Variants in ARHGAP26 observed in about 807,000 individuals in gnomAD.
ARHGAP26 encodes rho GTPase-activating protein 26.
In ARHGAP26, 38 loss-of-function variants were observed where a neutral mutation model predicts 104.8. That is an observed-to-expected ratio of 0.36 (90% CI 0.28 to 0.48). ARHGAP26 has a LOEUF of 0.48. ARHGAP26 is among the 20% of genes least tolerant of loss of function. ARHGAP26 has a pLI of 0.99. For missense variants in ARHGAP26, 704 were observed against 947.9 expected, an observed-to-expected ratio of 0.74 and a Z score of 3.38; for synonymous variants, 341 against 340.0, an observed-to-expected ratio of 1.00 and a Z score of -0.03.
intron 20 of ARHGAP26, chr5:143,173,017 G>A (rs1802987194): frequency 1.1e-5 from 2 of 179,990 alleles, no homozygotes; most frequent in Non-Finnish European, 1.2e-5. Flanking sequence ...ATACTGTTGG[G>A]AAGGTAGTAT....
At chr5:143,062,639 C>T (rs1041131105) in intron 17 of ARHGAP26, among the ~76,000 whole-genome samples, 12 of 149,138 alleles carry the variant, frequency 8.0e-5, no homozygotes, top group African/African-American at 3.0e-4. Flanking sequence ...GAATTGGGTT[C>T]ATATACAAAT....
intron 11 of ARHGAP26, among the ~76,000 whole-genome samples, chr5:142,999,260 C>A (rs1362820450): frequency 6.6e-6 from 1 of 152,122 alleles, no homozygotes; most frequent in East Asian, 1.9e-4. Context: ...TTATAGATGG[C>A]CATGTAGTTA....
At position 143,097,997 on chromosome 5, in the gene ARHGAP26, A is replaced by G. The variant is rs73300591; in HGVS notation, c.1539-22991A>G. Among the ~76,000 whole-genome samples, 794 of 152,212 alleles carry G rather than the reference A, an allele frequency of 5.2e-3. 5 individuals are homozygous for G. Among genetic ancestry groups the G allele is most frequent in the African/African-American group, 0.018 (752 of 41,532 alleles). On this transcript the variant is annotated intron_variant, in intron 17 of 22. Coordinates refer to ENST00000645722, the MANE Select transcript of ARHGAP26 (RefSeq NM_001135608.3). ...ATTATTTGTAGAATTCCAATTTTTAAAAAGTTGTAGTTCTGCCTTGGAATC... is the reference window on the plus strand; with the variant it reads ...ATTATTTGTAGAATTCCAATTTTTAGAAAGTTGTAGTTCTGCCTTGGAATC...
intron 17 of ARHGAP26, among the ~76,000 whole-genome samples, chr5:143,082,791 C>T (rs1420489917): frequency 1.3e-5 from 2 of 152,202 alleles, no homozygotes; most frequent in African/African-American, 4.8e-5. Flanking sequence ...CTTTGAATTT[C>T]ATAAAATAAG....
intron 1 of ARHGAP26, among the ~76,000 whole-genome samples, chr5:142,824,194 C>T (rs1401081196): frequency 2.0e-5 from 3 of 152,170 alleles, no homozygotes; most frequent in Non-Finnish European, 4.4e-5. Context: ...TGTGTCTTAA[C>T]AGCTGTGTCC....
intron 22 of ARHGAP26, among the ~76,000 whole-genome samples, chr5:143,215,460 G>T (rs1386340945): frequency 6.6e-6 from 1 of 152,220 alleles, no homozygotes; most frequent in East Asian, 1.9e-4. Context: ...TTTTTTAACG[G>T]TTTATTAAGA....
chr5:142,955,230 G>C, intron 11 of ARHGAP26, among the ~76,000 whole-genome samples: 1 of 152,066 alleles, frequency 6.6e-6, no homozygotes, highest in South Asian at 2.1e-4. Flanking sequence ...AGTTCGAGAG[G>C]TTGAGGCTGC....
chr5:142,894,537 A>G (rs1349724317), intron 6 of ARHGAP26, among the ~76,000 whole-genome samples, 189 bp downstream of exon 6: 1 of 152,192 alleles, frequency 6.6e-6, no homozygotes, highest in Non-Finnish European at 1.5e-5. Context: ...TTCCTGTACA[A>G]CACATAGCAA....
intron 1 of ARHGAP26, among the ~76,000 whole-genome samples, chr5:142,862,993 G>A (rs1262474559): frequency 6.6e-6 from 1 of 152,042 alleles, no homozygotes; most frequent in Non-Finnish European, 1.5e-5. Context: ...GTGCCTTGCT[G>A]TAGGAATATC....
intron 20 of ARHGAP26, among the ~76,000 whole-genome samples, chr5:143,182,940 C>A (rs1173742888): frequency 6.6e-6 from 1 of 151,988 alleles, no homozygotes; most frequent in Non-Finnish European, 1.5e-5. Context: ...TTGGTGCTAC[C>A]AGTTGGGAAG....
At chr5:142,840,491 G>A (rs1216798271) in intron 1 of ARHGAP26, among the ~76,000 whole-genome samples, 1 of 152,146 alleles carries the variant, frequency 6.6e-6, no homozygotes, top group Non-Finnish European at 1.5e-5. Flanking sequence ...AGGGGTTTGT[G>A]AACAAGACAG....
At chr5:142,963,172 G>GTATATATGTATATA (rs1770583756) in intron 11 of ARHGAP26, among the ~76,000 whole-genome samples, 1 of 89,080 alleles carries the variant, frequency 1.1e-5, no homozygotes, top group Non-Finnish European at 2.1e-5. Flanking sequence ...TGGTATATAT[G>GTATATATGTATATA]TATATATATA....
intron 22 of ARHGAP26, among the ~76,000 whole-genome samples, chr5:143,217,820 C>T (rs533259433): frequency 4.5e-4 from 68 of 152,330 alleles, no homozygotes; most frequent in Non-Finnish European, 7.8e-4. Context: ...ACTCTTGCTC[C>T]CAGAACCCCT....
intron 10 of ARHGAP26, among the ~76,000 whole-genome samples, chr5:142,929,794 T>G (rs1764451800): frequency 6.6e-6 from 1 of 152,120 alleles, no homozygotes; most frequent in Non-Finnish European, 1.5e-5. Flanking sequence ...CCTGAGACCT[T>G]GGTATGTAGA....
chr5:143,037,088 G>C (rs1203459222), intron 12 of ARHGAP26, 108 bp from the exon 13 acceptor site: 1 of 649,370 alleles, frequency 1.5e-6, no homozygotes, highest in Non-Finnish European at 2.6e-6. Context: ...AAAACTAAAA[G>C]GATATGTGAC....
In ARHGAP26 at chr5:142,932,039, C is replaced by G; in HGVS notation, c.1029-8C>G. 1 of 1,613,938 alleles carries G rather than the reference C, an allele frequency of 6.2e-7. No homozygotes were observed. On this transcript the variant is annotated splice_region_variant and splice_polypyrimidine_tract_variant and intron_variant, in intron 10 of 22. Coordinates refer to ENST00000645722, the MANE Select transcript of ARHGAP26 (RefSeq NM_001135608.3). ...GGTTTCATATCCATGTCCCTCCTTT[C>G]TCTGCAGGCCAGGGGTTATCACCAT...
Position 143,164,495 on chromosome 5 carries a change from T to A in ARHGAP26, c.1988+17114T>A, listed in dbSNP as rs376080954. Among the ~76,000 whole-genome samples the A allele has an allele frequency of 5.3e-5, 8 of 152,368 alleles. 1 individual carries two copies. In the South Asian group the frequency reaches 1.7e-3, roughly 32 times the overall value. On this transcript the variant is annotated intron_variant, in intron 20 of 22. Coordinates refer to ENST00000645722, the MANE Select transcript of ARHGAP26 (RefSeq NM_001135608.3). Reference sequence around the variant, plus strand: ...GTTAGATGCCCACAAGCAAGTGCCCTGGTTCATCATTTCAAAGAATGAGAC... The same window carrying A: ...GTTAGATGCCCACAAGCAAGTGCCCAGGTTCATCATTTCAAAGAATGAGAC...
rs1201241937 is a variant in ARHGAP26 at position 143,184,181 on chromosome 5, T to C, written c.1989-23017T>C. Among the ~76,000 whole-genome samples the C allele has an allele frequency of 4.6e-5, 7 of 152,324 alleles. No individual in the cohort carries two copies. The South Asian group carries it at 1.4e-3, about 32-fold the overall frequency. The stretch of plus-strand genomic sequence containing the variant: ...CAGGCTATCCAATACAGAGACAACA[T>C]TGATCTTTCAGGAGGGATCTGCCAA... On this transcript the variant is annotated intron_variant, in intron 20 of 22. Coordinates refer to ENST00000645722, the MANE Select transcript of ARHGAP26 (RefSeq NM_001135608.3).
chr5:143,056,174 T>C, intron 16 of ARHGAP26, 88 bp downstream of exon 16: 1 of 1,079,444 alleles, frequency 9.3e-7, no homozygotes, highest in Non-Finnish European at 1.4e-6. Flanking sequence ...AAATATTACC[T>C]AACCCTTCGT....
Sources: allele counts gnomAD v4.1 joint callset (sites outside exome capture counted in the v4.1 genomes callset), GRCh38; gene constraint gnomAD v4.1.1; transcripts MANE v1.5; gene names NCBI Gene and HGNC (gene_info 2026-07-23, HGNC 2026-07-21).